MYO6: variants seen among roughly 807,000 people sequenced by gnomAD.
The protein encoded by MYO6 is unconventional myosin-VI.
In MYO6, 74 loss-of-function variants were observed where a neutral mutation model predicts 178.7. That is an observed-to-expected ratio of 0.41 (90% CI 0.34 to 0.50). The LOEUF is 0.50. MYO6 is among the 20% of genes least tolerant of loss of function. MYO6 has a pLI of 0.09. For synonymous variants in MYO6, 477 were observed against 504.6 expected, an observed-to-expected ratio of 0.95 and a Z score of 0.73; for missense variants, 1,330 against 1,547.4, an observed-to-expected ratio of 0.86 and a Z score of 2.36.
intron 28 of MYO6, among the ~76,000 whole-genome samples, 170 bp downstream of exon 28, chr6:75,892,860 AATGAG>A (rs1410325716): frequency 2.0e-5 from 3 of 152,190 alleles, no homozygotes; most frequent in East Asian, 1.9e-4. Flanking sequence ...TACTCAAGTG[AATGAG>A]ATAATTGATT....
chr6:75,834,155 A>G (rs1773403781), intron 6 of MYO6, among the ~76,000 whole-genome samples: 1 of 151,878 alleles, frequency 6.6e-6, no homozygotes, highest in Non-Finnish European at 1.5e-5. Flanking sequence ...CTGCCTCCTA[A>G]TGTGTTCTCT....
At chr6:75,870,854 T>C (rs1777088007) in intron 19 of MYO6, among the ~76,000 whole-genome samples, 169 bp downstream of exon 19, 1 of 152,142 alleles carries the variant, frequency 6.6e-6, no homozygotes, top group Admixed American at 6.5e-5. Context: ...AATATATATG[T>C]GAAGTCAGAT....
At position 75,765,876 on chromosome 6, in the gene MYO6, G is replaced by A. The variant is rs143175508; in HGVS notation, c.-48+16453G>A. On this transcript the variant is annotated intron_variant, in intron 1 of 34. Coordinates refer to ENST00000369977, the MANE Select transcript of MYO6 (RefSeq NM_004999.4). ...ACCTCTCTACTAAGAATAAAAAAAA[G>A]GTTAGCTGGGCGTGGTAGGTGTGTG... Among the ~76,000 whole-genome samples the A allele has an allele frequency of 2.3e-3, 354 of 151,996 alleles. 1 individual carries two copies. The highest frequency in any genetic ancestry group is 7.4e-3 in the African/African-American group (307 of 41,468).
chr6:75,826,136 A>G (rs1772442994), intron 3 of MYO6, among the ~76,000 whole-genome samples: 1 of 152,202 alleles, frequency 6.6e-6, no homozygotes, highest in Non-Finnish European at 1.5e-5. Context: ...GGACATACCT[A>G]GGTCATACCT....
intron 3 of MYO6, among the ~76,000 whole-genome samples, chr6:75,825,314 C>T (rs999003905): frequency 2.6e-5 from 4 of 152,038 alleles, no homozygotes; most frequent in South Asian, 2.1e-4. Context: ...GGAAAGAAAC[C>T]GGGCGCAGTG....
intron 3 of MYO6, among the ~76,000 whole-genome samples, chr6:75,826,616 A>C (rs1280049): frequency 0.61 from 92,039 of 151,894 alleles, 28,824 homozygotes; most frequent in East Asian, 0.76. Context: ...TCCAGGGGAC[A>C]AGGATGGAAG....
At chr6:75,901,451 G>T (rs924259173) in intron 30 of MYO6, among the ~76,000 whole-genome samples, 3 of 152,134 alleles carry the variant, frequency 2.0e-5, no homozygotes, top group African/African-American at 7.2e-5. Context: ...TCCCTTGTAA[G>T]TTGGATTCCT....
At chr6:75,789,350 C>T (rs954568362) in intron 1 of MYO6, among the ~76,000 whole-genome samples, 5 of 152,186 alleles carry the variant, frequency 3.3e-5, no homozygotes, top group African/African-American at 1.2e-4. Flanking sequence ...CATGGTCTTT[C>T]ATTTAATCCT....
intron 30 of MYO6, 98 bp downstream of exon 30, chr6:75,898,509 C>A: frequency 1.0e-6 from 1 of 957,328 alleles, no homozygotes. Flanking sequence ...ACATGAGTAG[C>A]CTAGTCTTTC....
chr6:75,826,828 G>A (rs755737192), intron 3 of MYO6, among the ~76,000 whole-genome samples: 24 of 151,954 alleles, frequency 1.6e-4, no homozygotes, highest in East Asian at 7.7e-4. Flanking sequence ...CAGGAGAATC[G>A]CTTGAACCCA....
chr6:75,902,068 A>T (rs974015302), intron 30 of MYO6, among the ~76,000 whole-genome samples: 1 of 152,202 alleles, frequency 6.6e-6, no homozygotes, highest in Non-Finnish European at 1.5e-5. Context: ...CATCCCAGGG[A>T]TGAAGCCCAC....
chr6:75,777,070 G>A (rs1381057897), intron 1 of MYO6, among the ~76,000 whole-genome samples: 5 of 152,154 alleles, frequency 3.3e-5, no homozygotes, highest in African/African-American at 1.2e-4. Context: ...TATCCTTGGT[G>A]TGTACTAAGA....
chr6:75,881,622 A>G, intron 22 of MYO6, 67 bp from the exon 23 acceptor site: 1 of 1,497,064 alleles, frequency 6.7e-7, no homozygotes, highest in East Asian at 2.3e-5. Flanking sequence ...TTCTGTTTAC[A>G]TCATGTCTTT....
intron 1 of MYO6, among the ~76,000 whole-genome samples, chr6:75,781,917 CAAAAAAAAA>C (rs10584481): frequency 4.5e-5 from 2 of 44,658 alleles, no homozygotes; most frequent in African/African-American, 1.4e-4. Flanking sequence ...GACTCCATCT[CAAAAAAAAA>C]AAAAAAAAAA....
chr6:75,913,681 AC>A (rs1401687838), intron 33 of MYO6, among the ~76,000 whole-genome samples: 1 of 152,216 alleles, frequency 6.6e-6, no homozygotes, highest in Non-Finnish European at 1.5e-5. Flanking sequence ...AAGTTACTGT[AC>A]AAATTTGAAC....
chr6:75,849,437 G>T (rs1034198367), intron 11 of MYO6, among the ~76,000 whole-genome samples: 1 of 152,138 alleles, frequency 6.6e-6, no homozygotes, highest in Non-Finnish European at 1.5e-5. Flanking sequence ...AGATCCCAGA[G>T]GCTCTCTGAG....
rs781769307 is a variant in MYO6, at chr6:75,873,223, G to A, written c.2000G>A (p.Arg667His). Residue 667 changes from arginine (R) to histidine (H), a missense_variant, in exon 20 of 35, where the codon CGT becomes CAT. Arg to His is a conservative substitution (Grantham distance 29). This residue lies in a region of MYO6 where 613 missense variants were observed against 816.8 expected (regional missense o/e 0.75). Transcript: ENST00000369977. ...KLRSTGASFIRCIKPNLKMTS... is the reference protein window; with the variant it reads ...KLRSTGASFIHCIKPNLKMTS... Reference sequence around the variant, plus strand: ...TTTTCCTAGGGAGCAAGCTTTATTCGTTGCATCAAACCTAACTTAAAGATG... The same window carrying A: ...TTTTCCTAGGGAGCAAGCTTTATTCATTGCATCAAACCTAACTTAAAGATG... The A allele has an allele frequency of 7.4e-6, 12 of 1,613,718 alleles. No individual in the cohort carries two copies. Among genetic ancestry groups the A allele is most frequent in the South Asian group, 5.5e-5 (5 of 91,078 alleles).
rs1344763535 is a variant in MYO6, at chr6:75,862,601, A to G, written c.1552A>G (p.Ile518Val). The G allele has an allele frequency of 6.2e-7, 1 of 1,613,358 alleles. No individual in the cohort carries two copies. The highest frequency in any genetic ancestry group is 8.5e-7 in the Non-Finnish European group (1 of 1,179,358). ...YVDNQDCIDL[I>V]EAKLVGILDI... Reference sequence around the variant, plus strand: ...GTTTTCATTTTTTGAAATAGATTTAATTGAAGCCAAATTAGTGGGAATACT... The same window carrying G: ...GTTTTCATTTTTTGAAATAGATTTAGTTGAAGCCAAATTAGTGGGAATACT... The change falls in exon 16 of 35, where the codon ATT (isoleucine) becomes GTT (valine). Residue 518 changes from isoleucine (I) to valine (V), a missense_variant. This residue lies in a region of MYO6 where 613 missense variants were observed against 816.8 expected (regional missense o/e 0.75). Coordinates refer to ENST00000369977, the MANE Select transcript of MYO6 (RefSeq NM_004999.4).
intron 30 of MYO6, among the ~76,000 whole-genome samples, chr6:75,904,773 A>G (rs10061755): frequency 1.3e-5 from 2 of 152,230 alleles, no homozygotes; most frequent in African/African-American, 4.8e-5. Context: ...GCTGGTGAGG[A>G]ACTGTGTTCC....
Sources: allele counts gnomAD v4.1 joint callset (sites outside exome capture counted in the v4.1 genomes callset), GRCh38; gene constraint gnomAD v4.1.1; regional missense constraint gnomAD v4.1.1; transcripts MANE v1.5; gene names NCBI Gene and HGNC (gene_info 2026-07-23, HGNC 2026-07-21).